Variants in LDLRAD4 observed in about 807,000 individuals in gnomAD.
LDLRAD4 encodes low-density lipoprotein receptor class A domain-containing protein 4.
LDLRAD4 carries 5 observed loss-of-function variants against 17.0 expected under a neutral mutation model. The observed-to-expected ratio is 0.29, with a 90% CI of 0.15 to 0.62. The LOEUF is 0.62. Among genes scored for constraint, LDLRAD4 ranks in the 20% least tolerant of loss-of-function variants. The pLI is 0.84. For synonymous variants in LDLRAD4, 168 were observed against 171.8 expected, an observed-to-expected ratio of 0.98 and a Z score of 0.17; for missense variants, 340 against 424.7, an observed-to-expected ratio of 0.80 and a Z score of 1.75.
At chr18:13,485,501 C>T (rs773412221) in intron 3 of LDLRAD4, among the ~76,000 whole-genome samples, 24 of 152,330 alleles carry the variant, frequency 1.6e-4, no homozygotes, top group Middle Eastern at 3.4e-3. Flanking sequence ...TTCCATGGTA[C>T]GGCATGACAG....
chr18:13,245,168 G>C (rs569950197), intron 1 of LDLRAD4, among the ~76,000 whole-genome samples: 12 of 152,328 alleles, frequency 7.9e-5, no homozygotes, highest in Admixed American at 6.5e-4. Flanking sequence ...TGTGGAGCTC[G>C]TGGGCAGGAG....
intron 1 of LDLRAD4, among the ~76,000 whole-genome samples, chr18:13,246,886 T>C (rs905761770): frequency 5.3e-5 from 8 of 152,156 alleles, no homozygotes; most frequent in African/African-American, 1.9e-4. Context: ...GAGATCTTTG[T>C]AAACTAGGTT....
intron 2 of LDLRAD4, among the ~76,000 whole-genome samples, chr18:13,407,707 G>T (rs2087897520): frequency 6.6e-6 from 1 of 152,238 alleles, no homozygotes; most frequent in South Asian, 2.1e-4. Flanking sequence ...CAGCTTCTGA[G>T]AAAGGGAGCC....
intron 3 of LDLRAD4, among the ~76,000 whole-genome samples, chr18:13,558,960 A>G (rs539505414): frequency 1.4e-5 from 2 of 147,120 alleles, no homozygotes; most frequent in East Asian, 4.3e-4. Context: ...TGGGAAGCAC[A>G]CCAGCTCCCC....
At chr18:13,606,862 G>A (rs1193341691) in intron 3 of LDLRAD4, among the ~76,000 whole-genome samples, 1 of 152,184 alleles carries the variant, frequency 6.6e-6, no homozygotes, top group African/African-American at 2.4e-5. Flanking sequence ...AATGGGCAGA[G>A]CCATCGATTC....
At chr18:13,629,712 A>C (rs1221069576) in intron 4 of LDLRAD4, among the ~76,000 whole-genome samples, 3 of 152,214 alleles carry the variant, frequency 2.0e-5, no homozygotes, top group Non-Finnish European at 4.4e-5. Flanking sequence ...AGCATTAATA[A>C]TCTAATAGTA....
chr18:13,561,664 C>T (rs1287552848), intron 3 of LDLRAD4: 1 of 152,090 alleles, frequency 6.6e-6, no homozygotes, highest in Non-Finnish European at 1.5e-5. Context: ...CAAAGACGGA[C>T]GTGATGACAT....
chr18:13,325,236 C>T (rs1217518282), intron 1 of LDLRAD4, among the ~76,000 whole-genome samples: 1 of 152,168 alleles, frequency 6.6e-6, no homozygotes, highest in Non-Finnish European at 1.5e-5. Context: ...ATAGTGAGTT[C>T]GGGGTCCCAG....
intron 1 of LDLRAD4, among the ~76,000 whole-genome samples, chr18:13,270,321 C>T (rs540717640): frequency 6.6e-6 from 1 of 150,784 alleles, no homozygotes; most frequent in East Asian, 2.0e-4. Flanking sequence ...GCTGTGATGG[C>T]TTCACTGTAA....
intron 3 of LDLRAD4, among the ~76,000 whole-genome samples, chr18:13,538,678 G>A (rs187121760): frequency 6.6e-6 from 1 of 152,236 alleles, no homozygotes; most frequent in Non-Finnish European, 1.5e-5. Flanking sequence ...GTGTATGCCA[G>A]TATTCCAAGA....
rs1242026496 is a variant in LDLRAD4 at position 13,622,244 on chromosome 18, A to G, written c.336+973A>G. On this transcript the variant is annotated intron_variant, in intron 4 of 5. Coordinates refer to ENST00000359446, the Ensembl canonical transcript of LDLRAD4. This position sits in a 1 kb window ranked among gnomAD's most constrained non-coding sequence, Gnocchi z 5.3. ...GGCCGCTGGCCCTGGGACCCCTCTC[A>G]GGAGTGCAGGCTCACACTTCACTAG... is the stretch of plus-strand genomic sequence containing the variant. Among the ~76,000 whole-genome samples, 1 of 152,018 alleles carries G rather than the reference A, an allele frequency of 6.6e-6. No individual in the cohort carries two copies. The highest frequency in any genetic ancestry group is 2.4e-5 in the African/African-American group (1 of 41,380).
intron 1 of LDLRAD4, among the ~76,000 whole-genome samples, chr18:13,347,341 G>T (rs1238072137): frequency 6.6e-6 from 1 of 152,134 alleles, no homozygotes; most frequent in Admixed American, 6.5e-5. Context: ...AGCTTAGTTT[G>T]GCTGGATATG....
chr18:13,392,712 T>C (rs577018308), intron 2 of LDLRAD4, among the ~76,000 whole-genome samples: 1 of 152,368 alleles, frequency 6.6e-6, no homozygotes, highest in South Asian at 2.1e-4. Context: ...GCAGAGGTTT[T>C]GCACAATTAA....
At chr18:13,319,762 C>A (rs1315544001) in intron 1 of LDLRAD4, among the ~76,000 whole-genome samples, 1 of 151,976 alleles carries the variant, frequency 6.6e-6, no homozygotes, top group Non-Finnish European at 1.5e-5. Context: ...TGGCAAAAAC[C>A]ATGAAAAGGG....
chr18:13,430,938 A>G (rs1600218817), intron 2 of LDLRAD4, among the ~76,000 whole-genome samples: 1 of 152,308 alleles, frequency 6.6e-6, no homozygotes. Context: ...AGGAAAGGAA[A>G]TGTGTCTGAA....
chr18:13,617,345 G>A (rs1369734052), intron 3 of LDLRAD4, among the ~76,000 whole-genome samples: 5 of 152,122 alleles, frequency 3.3e-5, no homozygotes. Context: ...ACACCTTTCA[G>A]TCAATATCAC....
intron 1 of LDLRAD4, among the ~76,000 whole-genome samples, chr18:13,261,630 A>G (rs955579677): frequency 1.3e-5 from 2 of 152,120 alleles, no homozygotes; most frequent in African/African-American, 4.8e-5. Context: ...CGTTCCATCA[A>G]CCGTGCGGTT....
intron 2 of LDLRAD4, among the ~76,000 whole-genome samples, chr18:13,397,598 T>C (rs77632789): frequency 0.017 from 2,572 of 152,302 alleles, 81 homozygotes; most frequent in African/African-American, 0.059. Context: ...AAAATCATCC[T>C]GAGATCAGTG....
In LDLRAD4 at chr18:13,493,921, C is replaced by A. The variant is rs375963991; in HGVS notation, c.181+55537C>A. ...TGTGTGCGGGGCCACCCAGGGGGTC[C>A]CCGCTTCTGAGAATCCCTGGCAGGG... On this transcript the variant is annotated intron_variant, in intron 3 of 5. Coordinates refer to ENST00000359446, the Ensembl canonical transcript of LDLRAD4. Among the ~76,000 whole-genome samples the A allele has an allele frequency of 8.4e-4, 128 of 152,344 alleles. No individual in the cohort carries two copies. The South Asian group carries it at 0.014, about 17-fold the overall frequency.
Sources: allele counts gnomAD v4.1 joint callset (sites outside exome capture counted in the v4.1 genomes callset), GRCh38; gene constraint gnomAD v4.1.1; non-coding constraint Gnocchi (gnomAD v3.1); transcripts MANE v1.5; gene names NCBI Gene and HGNC (gene_info 2026-07-23, HGNC 2026-07-21).